PRMT8: variants seen among roughly 807,000 people sequenced by gnomAD.
PRMT8 encodes the protein protein arginine N-methyltransferase 8.
In PRMT8, 7 loss-of-function variants were observed where a neutral mutation model predicts 47.1. That is an observed-to-expected ratio of 0.15 (90% confidence interval 0.08 to 0.28). PRMT8 has a LOEUF of 0.28. PRMT8 is among the 10% of genes least tolerant of loss of function. The probability of loss-of-function intolerance (pLI) is 1.00; values close to 1 mark genes in which losing one functional copy is unlikely to be tolerated. For missense variants in PRMT8, 237 were observed against 505.4 expected (o/e 0.47, Z 5.09); for synonymous variants, 188 against 186.5 (o/e 1.01, Z -0.07).
Position 3,435,526 on chromosome 12 carries a change from CT to C in PRMT8, c.48+54097del, listed in dbSNP as rs1260938565. On this transcript the variant is annotated intron_variant, in intron 1 of 9. Coordinates refer to the PRMT8 transcript ENST00000452611. ...GTTTTTTTTTTTCTTCTTTTTTTTT[CT>C]TTTTTTTTTTTTGAGAGGGAGTCTC... Among the ~76,000 whole-genome samples, 537 of 131,468 alleles carry C rather than the reference CT, an allele frequency of 4.1e-3. 1 individual carries two copies. The highest frequency in any genetic ancestry group is 1.0e-2 in the African/African-American group (357 of 35,754). 86.2% of individuals were successfully genotyped at this position (131,468 alleles called of 152,430 possible). A position where few individuals can be genotyped will look rare whatever the true frequency, so the allele number is the denominator to read the frequency against.
At chr12:3,420,792 G>A (rs545511153) in intron 1 of PRMT8, among the ~76,000 whole-genome samples, 1 of 152,334 alleles carries the variant, frequency 6.6e-6, no homozygotes, top group African/African-American at 2.4e-5. Flanking sequence ...GCTGACCAGA[G>A]TCCGTTTCTG....
chr12:3,495,638 T>C (rs1362657901), intron 1 of PRMT8, among the ~76,000 whole-genome samples: 1 of 152,236 alleles, frequency 6.6e-6, no homozygotes, highest in Non-Finnish European at 1.5e-5. Context: ...TTTGTGTGTC[T>C]ATTTATATGT....
chr12:3,485,475 T>C (rs1002158952), intron 1 of PRMT8, among the ~76,000 whole-genome samples: 7 of 152,160 alleles, frequency 4.6e-5, no homozygotes, highest in African/African-American at 1.7e-4. Flanking sequence ...CATATGAAAA[T>C]AAAAGCTTCT....
At chr12:3,559,318 T>G (rs1866589857) in intron 4 of PRMT8, among the ~76,000 whole-genome samples, 1 of 152,184 alleles carries the variant, frequency 6.6e-6, no homozygotes, top group African/African-American at 2.4e-5. Flanking sequence ...TGTTCTGGAA[T>G]CAGTCATTTC....
intron 4 of PRMT8, among the ~76,000 whole-genome samples, chr12:3,555,727 A>G (rs1485461988): frequency 6.6e-6 from 1 of 152,218 alleles, no homozygotes; most frequent in Non-Finnish European, 1.5e-5. Context: ...CTGAGGCAGC[A>G]GTGGAGCTGG....
chr12:3,408,751 T>C (rs1864398058), intron 1 of PRMT8, among the ~76,000 whole-genome samples: 1 of 152,140 alleles, frequency 6.6e-6, no homozygotes, highest in Admixed American at 6.5e-5. Context: ...CAGAGGGGTC[T>C]TCAGGTGCCG....
intron 1 of PRMT8, among the ~76,000 whole-genome samples, chr12:3,394,172 T>A (rs1436408256): frequency 6.6e-6 from 1 of 150,624 alleles, no homozygotes; most frequent in Non-Finnish European, 1.5e-5. Flanking sequence ...ACAATTTGAC[T>A]TCCTCTTTTC....
intron 4 of PRMT8, among the ~76,000 whole-genome samples, chr12:3,556,152 T>C (rs898873173): frequency 6.6e-6 from 1 of 152,094 alleles, no homozygotes; most frequent in African/African-American, 2.4e-5. Context: ...TGAGTCAGAC[T>C]TGGATACGTG....
chr12:3,504,520 CA>C (rs1463018454), intron 1 of PRMT8, among the ~76,000 whole-genome samples: 1 of 114,724 alleles, frequency 8.7e-6, no homozygotes. Context: ...GCTCGGGGGT[CA>C]GGGGTCAGGG....
intron 1 of PRMT8, among the ~76,000 whole-genome samples, chr12:3,537,167 C>G (rs192714434): frequency 6.6e-6 from 1 of 152,354 alleles, no homozygotes; most frequent in East Asian, 1.9e-4. Flanking sequence ...GCAACTCTTA[C>G]ATATGCAGAG....
chr12:3,387,913 G>A (rs927676999), intron 1 of PRMT8, among the ~76,000 whole-genome samples: 5 of 151,994 alleles, frequency 3.3e-5, no homozygotes, highest in African/African-American at 9.7e-5. Flanking sequence ...ATTCTCTTAC[G>A]TAACTAAGAT....
chr12:3,552,416 A>T lies in PRMT8; in HGVS notation c.418-1235A>T, dbSNP rs1866438140. 4.5e-6 allele frequency: 1 copy of T among 220,862 alleles called. No homozygotes were observed. Among genetic ancestry groups the T allele is most frequent in the Admixed American group, 5.1e-5 (1 of 19,456 alleles). The allele number at this position is 220,862 out of a possible 1,614,324, so 13.7% of individuals were successfully genotyped here. The stretch of plus-strand genomic sequence containing the variant: ...ATTGGGGGCTTCGACTTCTCTCGGG[A>T]GGACACTGAGGCGCAGTTAGGAAGG... On this transcript the variant is annotated intron_variant, in intron 3 of 9. Coordinates refer to ENST00000382622, the MANE Select transcript of PRMT8 (RefSeq NM_019854.5). The surrounding 1 kb of genome is among the most constrained non-coding windows in gnomAD (Gnocchi z 4.5).
intron 7 of PRMT8, 89 bp from the exon 8 acceptor site, chr12:3,582,969 A>G: frequency 4.2e-6 from 6 of 1,444,376 alleles, no homozygotes; most frequent in Non-Finnish European, 5.7e-6. Context: ...CTGACAGACC[A>G]CAGTCTCTCA....
intron 2 of PRMT8, among the ~76,000 whole-genome samples, chr12:3,549,062 T>C (rs1169670195): frequency 6.6e-6 from 1 of 152,130 alleles, no homozygotes; most frequent in Non-Finnish European, 1.5e-5. Context: ...AGTTCTAAAA[T>C]AGGCAGAAGG....
In PRMT8 at chr12:3,538,534, A is replaced by G. The variant is rs1866161610; in HGVS notation, c.76-2072A>G. 8.3e-6 allele frequency: 4 copies of G among 481,032 alleles called. No individual in the cohort carries two copies. Among genetic ancestry groups the G allele is most frequent in the South Asian group, 6.2e-5 (4 of 64,932 alleles). The allele number at this position is 481,032 out of a possible 1,614,324, so 29.8% of individuals were successfully genotyped here. ...CTGTGGAGTCCCAGGAAGCACATGG[A>G]AAAGAGAGCCTTGGAACCAGAGTGG... On this transcript the variant is annotated intron_variant, in intron 1 of 9. Transcript: ENST00000382622. This position sits in a 1 kb window ranked among gnomAD's most constrained non-coding sequence, Gnocchi z 4.6.
At chr12:3,541,131 T>C (rs1207118977) in intron 2 of PRMT8, among the ~76,000 whole-genome samples, 1 of 152,230 alleles carries the variant, frequency 6.6e-6, no homozygotes, top group African/African-American at 2.4e-5. Context: ...CGCTGGTCTT[T>C]GGACCAGGAG....
chr12:3,426,181 G>A (rs1864603013), intron 1 of PRMT8, among the ~76,000 whole-genome samples: 2 of 152,196 alleles, frequency 1.3e-5, no homozygotes, highest in African/African-American at 4.8e-5. Context: ...GGACAATGTG[G>A]GCCTCTGGCC....
intron 1 of PRMT8, among the ~76,000 whole-genome samples, chr12:3,441,397 C>T (rs1251561175): frequency 2.0e-5 from 3 of 152,194 alleles, no homozygotes; most frequent in Non-Finnish European, 4.4e-5. Context: ...GTTTCCTCAA[C>T]GCTGCCAGGG....
chr12:3,557,274 C>T lies in PRMT8; in HGVS notation c.481+3560C>T, dbSNP rs550132190. Among the ~76,000 whole-genome samples the T allele has an allele frequency of 6.6e-6, 1 of 152,172 alleles. No homozygotes were observed. Among genetic ancestry groups the T allele is most frequent in the African/African-American group, 2.4e-5 (1 of 41,508 alleles). On this transcript the variant is annotated intron_variant, in intron 4 of 9. Transcript: ENST00000382622. This position sits in a 1 kb window ranked among gnomAD's most constrained non-coding sequence, Gnocchi z 4.7. ...CGAGTGCGATTGGAGTAGAAGGTTG[C>T]CGGGATCAGGGCTTTGCTGGGAGCA...
Sources: allele counts gnomAD v4.1 joint callset (sites outside exome capture counted in the v4.1 genomes callset), GRCh38; gene constraint gnomAD v4.1.1; non-coding constraint Gnocchi (gnomAD v3.1); transcripts MANE v1.5; gene names NCBI Gene and HGNC (gene_info 2026-07-23, HGNC 2026-07-21).